The following PMP22 variants were observed in gnomAD, a reference collection of about 807,000 sequenced individuals.
The protein encoded by PMP22 is Charcot-Marie-Tooth neuropathy 1A (greatly reduced nerve conduction velocity, hereditary motor sensory neuropathy Ia).
PMP22 carries 2 observed loss-of-function variants against 18.9 expected under a neutral mutation model. That is an observed-to-expected ratio of 0.11 (90% CI 0.04 to 0.33). PMP22 has a LOEUF of 0.33. Ranked by LOEUF, PMP22 falls within the 10% of genes least tolerant of loss-of-function variation. The probability of loss-of-function intolerance (pLI) is 1.00; values close to 1 mark genes in which losing one functional copy is unlikely to be tolerated. For synonymous variants in PMP22, 95 were observed against 89.2 expected (o/e 1.07, Z -0.37); for missense variants, 169 against 202.2 (o/e 0.84, Z 1.00).
chr17:15,259,026 A>G, intron 3 of PMP22, 68 bp downstream of exon 3: 1 of 1,174,176 alleles, frequency 8.5e-7, no homozygotes, highest in Non-Finnish European at 1.3e-6. Context: ...AAGCGTTTCC[A>G]GCTCTGGGCT....
chr17:15,254,338 T>C (rs370152653), intron 3 of PMP22, among the ~76,000 whole-genome samples: 14 of 152,240 alleles, frequency 9.2e-5, no homozygotes, highest in African/African-American at 2.9e-4. Context: ...CTGGCGCCTC[T>C]GACAAACGAG....
chr17:15,264,955 C>T (rs1049582583), intron 1 of PMP22, among the ~76,000 whole-genome samples, 199 bp downstream of exon 1: 2 of 152,298 alleles, frequency 1.3e-5, no homozygotes, highest in African/African-American at 2.4e-5. Context: ...TGGCCCCCCA[C>T]CTCCCCAGCC....
At chr17:15,238,931 C>T (rs1907045098) in intron 4 of PMP22, among the ~76,000 whole-genome samples, 1 of 152,124 alleles carries the variant, frequency 6.6e-6, no homozygotes, top group Admixed American at 6.5e-5. Flanking sequence ...CAGAGGATGA[C>T]AACAGTCAAT....
chr17:15,230,911 G>A lies in PMP22; in HGVS notation c.*6C>T, dbSNP rs1308336637. 6.2e-7 allele frequency: 1 copy of A among 1,613,680 alleles called. No homozygotes were observed. The highest frequency in any genetic ancestry group is 8.5e-7 in the Non-Finnish European group (1 of 1,179,930). ...CTCAGAGCCTCAGACAGACCGTCTG[G>A]GCGCCTCATTCGCGTTTCCGCAAGA... is the stretch of plus-strand genomic sequence containing the variant. On this transcript the variant is annotated 3_prime_UTR_variant, in exon 5 of 5. Coordinates refer to ENST00000312280, the MANE Select transcript of PMP22 (RefSeq NM_000304.4).
intron 3 of PMP22, among the ~76,000 whole-genome samples, chr17:15,250,838 T>A (rs905020585): frequency 6.6e-6 from 1 of 152,226 alleles, no homozygotes; most frequent in East Asian, 1.9e-4. Flanking sequence ...ATCATTGTCA[T>A]TGTCATCATT....
At chr17:15,242,326 A>C (rs1241097999) in intron 3 of PMP22, among the ~76,000 whole-genome samples, 1 of 151,686 alleles carries the variant, frequency 6.6e-6, no homozygotes, top group African/African-American at 2.4e-5. Context: ...TAAAACAAGC[A>C]ACAGTCAAAA....
At chr17:15,241,981 T>C (rs139450296) in intron 3 of PMP22, among the ~76,000 whole-genome samples, 1 of 152,246 alleles carries the variant, frequency 6.6e-6, no homozygotes, top group East Asian at 1.9e-4. Context: ...TCATAAGATA[T>C]GGAATTTTAT....
rs3028206 is a variant in PMP22 at position 15,263,583 on chromosome 17, G to GCACACACACACACA, written c.-35+1557_-35+1570dup. On this transcript the variant is annotated intron_variant, in intron 1 of 4. Transcript: ENST00000312280. ...AATGCAGCAGTTCACGCACGCGCGC[G>GCACACACACACACA]CACACACACACACACACACACTTCC... 4.4e-4 allele frequency among the ~76,000 whole-genome samples: 66 copies of GCACACACACACACA among 150,048 alleles called. 1 individual carries two copies. Among genetic ancestry groups the GCACACACACACACA allele is most frequent in the African/African-American group, 1.5e-3 (61 of 40,842 alleles).
chr17:15,263,478 A>T (rs539704067), intron 1 of PMP22, among the ~76,000 whole-genome samples: 2 of 152,154 alleles, frequency 1.3e-5, no homozygotes, highest in South Asian at 4.2e-4. Flanking sequence ...GGCGCGCCCA[A>T]CTGAGACTCC....
chr17:15,235,646 G>A (rs762980611), intron 4 of PMP22, among the ~76,000 whole-genome samples: 1 of 152,296 alleles, frequency 6.6e-6, no homozygotes, highest in African/African-American at 2.4e-5. Context: ...TATGTCAGTG[G>A]TTCCCAACCC....
At chr17:15,250,190 T>C (rs1908211039) in intron 3 of PMP22, among the ~76,000 whole-genome samples, 1 of 152,166 alleles carries the variant, frequency 6.6e-6, no homozygotes, top group African/African-American at 2.4e-5. Context: ...AGTGCTGGGA[T>C]TATAGGCGTG....
intron 4 of PMP22, among the ~76,000 whole-genome samples, chr17:15,234,486 G>A (rs1366586348): frequency 1.3e-5 from 2 of 152,152 alleles, no homozygotes; most frequent in Non-Finnish European, 2.9e-5. Context: ...GTTGATGAGT[G>A]GGTGCCTTTT....
intron 2 of PMP22, among the ~76,000 whole-genome samples, chr17:15,259,938 CAA>C (rs61415317): frequency 0.1 from 10,201 of 97,788 alleles, 454 homozygotes; most frequent in East Asian, 0.3. Context: ...GACTCCATCT[CAA>C]AAAAAAAAAA....
In PMP22 at chr17:15,264,230, G is replaced by GTAGA. The variant is rs1009453770; in HGVS notation, c.-35+920_-35+923dup. ...CTCTGATAGGTAGGTAGGTAGGTAG[G>GTAGA]TAGATAGATAGATAGATAGATAGAT... On this transcript the variant is annotated intron_variant, in intron 1 of 4. Transcript: ENST00000312280. 4.9e-3 allele frequency among the ~76,000 whole-genome samples: 416 copies of GTAGA among 85,018 alleles called. 1 individual carries two copies. The highest frequency in any genetic ancestry group is 9.2e-3 in the African/African-American group (154 of 16,686). 55.8% of individuals were successfully genotyped at this position (85,018 alleles called of 152,430 possible).
At chr17:15,243,810 T>C (rs230917) in intron 3 of PMP22, among the ~76,000 whole-genome samples, 48,620 of 148,118 alleles carry the variant, frequency 0.33, 9,046 homozygotes, top group Middle Eastern at 0.42. Context: ...ATTAATAAAA[T>C]GTATTTTATT....
chr17:15,260,865 C>T (rs1909275659), intron 1 of PMP22, 104 bp from the exon 2 acceptor site: 1 of 813,178 alleles, frequency 1.2e-6, no homozygotes, highest in South Asian at 1.5e-5. Context: ...CGGCCTGGCC[C>T]AGCGCCCGCA....
chr17:15,264,225 G>GGTAT (rs1909556795), intron 1 of PMP22, among the ~76,000 whole-genome samples: 1 of 96,648 alleles, frequency 1.0e-5, no homozygotes, highest in South Asian at 2.9e-4. Flanking sequence ...TAGGTAGGTA[G>GGTAT]GTAGGTAGAT....
intron 3 of PMP22, among the ~76,000 whole-genome samples, chr17:15,252,200 G>C (rs576476390): frequency 1.3e-5 from 2 of 152,160 alleles, no homozygotes; most frequent in East Asian, 3.9e-4. Flanking sequence ...GAAATTGTCT[G>C]GTGTCCTTGC....
At chr17:15,263,668 T>C (rs231016) in intron 1 of PMP22, among the ~76,000 whole-genome samples, 59,779 of 152,038 alleles carry the variant, frequency 0.39, 12,967 homozygotes, top group Non-Finnish European at 0.49. Context: ...AATAATTCTA[T>C]ATTATTTTAC....
Sources: gnomAD v4.1 joint callset for allele counts (sites outside exome capture counted in the v4.1 genomes callset) on GRCh38, gnomAD v4.1.1 for gene constraint, MANE v1.5 for transcripts, NCBI Gene and HGNC (gene_info 2026-07-23, HGNC 2026-07-21) for gene names.